The following DPP6 variants were observed in gnomAD, a reference collection of about 807,000 sequenced individuals.
DPP6 encodes the protein dipeptidyl peptidase like 6.
DPP6 carries 69 observed loss-of-function variants against 122.6 expected under a neutral mutation model. The ratio of observed to expected loss-of-function variants is 0.56; its 90% CI spans 0.46 to 0.69. DPP6 has a LOEUF of 0.69. Ranked by LOEUF, DPP6 falls within the 30% of genes least tolerant of loss-of-function variation. The pLI, the probability that DPP6 is intolerant of heterozygous loss-of-function variation, is 0.00. For synonymous variants in DPP6, 418 were observed against 433.1 expected, an observed-to-expected ratio of 0.97 and a Z score of 0.43; for missense variants, 928 against 1,116.9, an observed-to-expected ratio of 0.83 and a Z score of 2.41.
chr7:154,142,778 CA>C (rs542874514), intron 1 of DPP6, among the ~76,000 whole-genome samples: 2 of 141,826 alleles, frequency 1.4e-5, no homozygotes, highest in African/African-American at 2.6e-5. Flanking sequence ...TCACTTTTAC[CA>C]AAAAAAAGGA....
intron 16 of DPP6, among the ~76,000 whole-genome samples, chr7:154,834,016 C>T (rs144285227): frequency 1.5e-3 from 234 of 152,164 alleles, no homozygotes; most frequent in Admixed American, 4.3e-3. Flanking sequence ...AGGTCATCAG[C>T]ACCGTTTCCA....
the DPP6 span, among the ~76,000 whole-genome samples, chr7:153,825,704 T>G: frequency 1.3e-5 from 2 of 152,124 alleles, no homozygotes; most frequent in African/African-American, 4.8e-5. Flanking sequence ...GGATTACAAG[T>G]GCACACCACA....
At chr7:153,956,499 A>G (rs561349264) in intron 1 of DPP6, among the ~76,000 whole-genome samples, 3 of 152,120 alleles carry the variant, frequency 2.0e-5, no homozygotes, top group South Asian at 2.1e-4. Context: ...CCTCTGCAGC[A>G]AGTTCATGGT....
At chr7:154,254,127 C>T (rs1802517089) in intron 1 of DPP6, among the ~76,000 whole-genome samples, 1 of 152,188 alleles carries the variant, frequency 6.6e-6, no homozygotes, top group African/African-American at 2.4e-5. Context: ...CAAACTGTAT[C>T]AACCACATTT....
intron 1 of DPP6, among the ~76,000 whole-genome samples, chr7:154,148,276 G>A (rs151040820): frequency 0.018 from 2,243 of 123,590 alleles, 53 homozygotes; most frequent in African/African-American, 0.061. Context: ...GCCCGGGGAC[G>A]GTGAGGGACC....
At chr7:154,464,511 T>C (rs1327857755) in intron 2 of DPP6, among the ~76,000 whole-genome samples, 1 of 152,230 alleles carries the variant, frequency 6.6e-6, no homozygotes, top group Non-Finnish European at 1.5e-5. Context: ...AGGCTTTTAT[T>C]TGGCCATCTT....
intron 1 of DPP6, among the ~76,000 whole-genome samples, chr7:154,243,680 A>G (rs573962038): frequency 2.0e-5 from 3 of 152,200 alleles, no homozygotes; most frequent in Admixed American, 2.0e-4. Context: ...CTGTAGTCCC[A>G]GCTACTCAGG....
At chr7:154,109,827 A>T (rs1445444635) in intron 1 of DPP6, among the ~76,000 whole-genome samples, 1 of 139,330 alleles carries the variant, frequency 7.2e-6, no homozygotes, top group Non-Finnish European at 1.5e-5. Context: ...GCGTGTTATG[A>T]TTGTAGAACA....
intron 1 of DPP6, among the ~76,000 whole-genome samples, chr7:154,440,087 G>A (rs561846638): frequency 4.6e-5 from 7 of 152,244 alleles, no homozygotes; most frequent in East Asian, 1.9e-4. Context: ...TGATGATGAT[G>A]TATAATTAAT....
chr7:154,436,950 A>G (rs1323411177), intron 1 of DPP6, among the ~76,000 whole-genome samples: 1 of 152,212 alleles, frequency 6.6e-6, no homozygotes, highest in South Asian at 2.1e-4. Context: ...ACTTAAAATT[A>G]TATTTGTGAG....
chr7:154,103,288 A>G (rs1474773243), intron 1 of DPP6, among the ~76,000 whole-genome samples: 1 of 152,214 alleles, frequency 6.6e-6, no homozygotes, highest in Non-Finnish European at 1.5e-5. Context: ...TCCGTCAGCC[A>G]TACTGATGGC....
intron 1 of DPP6, chr7:154,057,782 A>G (rs1249818286): frequency 1.3e-5 from 2 of 150,714 alleles, no homozygotes; most frequent in Middle Eastern, 3.4e-3. Flanking sequence ...CCCTGGGGCT[A>G]CCCGATCTGA....
At chr7:154,540,506 GT>G (rs747588539) in intron 3 of DPP6, 25 bp from the exon 4 acceptor site, 3 of 1,453,400 alleles carry the variant, frequency 2.1e-6, no homozygotes, top group African/African-American at 1.4e-5. Context: ...GTTTCATGTG[GT>G]TTTTTTCTAC....
chr7:154,133,974 T>C (rs902673534), intron 1 of DPP6, among the ~76,000 whole-genome samples: 9 of 151,752 alleles, frequency 5.9e-5, no homozygotes, highest in African/African-American at 2.2e-4. Flanking sequence ...ACACACCCCA[T>C]GCTGGAAGAG....
chr7:154,363,998 G>A (rs1419426626), intron 1 of DPP6, among the ~76,000 whole-genome samples: 2 of 152,158 alleles, frequency 1.3e-5, no homozygotes, highest in African/African-American at 4.8e-5. Context: ...AGTCAGGGCG[G>A]TGGGGAGTGT....
intron 1 of DPP6, among the ~76,000 whole-genome samples, chr7:154,276,044 G>A (rs1039283835): frequency 4.6e-5 from 7 of 152,216 alleles, no homozygotes; most frequent in African/African-American, 7.2e-5. Flanking sequence ...TAGCATAGCC[G>A]TCACTTTGGA....
intron 12 of DPP6, among the ~76,000 whole-genome samples, chr7:154,800,397 G>A (rs1798291012): frequency 1.3e-5 from 2 of 152,218 alleles, no homozygotes. Flanking sequence ...GAAGCTCCTT[G>A]AGTCAGAAAA....
At chr7:153,979,387 A>T (rs1369222111) in intron 1 of DPP6, among the ~76,000 whole-genome samples, 1 of 152,252 alleles carries the variant, frequency 6.6e-6, no homozygotes, top group East Asian at 1.9e-4. Context: ...ATTTTTGCAC[A>T]TTGATTTTTG....
chr7:154,395,139 C>T (rs911904057), intron 1 of DPP6, among the ~76,000 whole-genome samples: 1 of 152,106 alleles, frequency 6.6e-6, no homozygotes, highest in Non-Finnish European at 1.5e-5. Context: ...ATAGATGGTG[C>T]CTTCTCTCTG....
Sources: gnomAD v4.1 joint callset for allele counts (sites outside exome capture counted in the v4.1 genomes callset) on GRCh38, gnomAD v4.1.1 for gene constraint, MANE v1.5 for transcripts, NCBI Gene and HGNC (gene_info 2026-07-23, HGNC 2026-07-21) for gene names.